Variants in MYRIP observed in about 807,000 individuals in gnomAD.
The protein encoded by MYRIP is myosin VIIA and Rab interacting protein.
MYRIP carries 49 observed loss-of-function variants against 98.0 expected under a neutral mutation model. The ratio of observed to expected loss-of-function variants is 0.50; its 90% CI spans 0.40 to 0.63. The LOEUF (loss-of-function observed/expected upper bound fraction) is 0.63. MYRIP is among the 30% of genes least tolerant of loss of function. The probability of loss-of-function intolerance (pLI) is 0.00; values close to 1 mark genes in which losing one functional copy is unlikely to be tolerated. For synonymous variants in MYRIP, 404 were observed against 409.5 expected, an observed-to-expected ratio of 0.99 and a Z score of 0.16; for missense variants, 1,004 against 1,058.2, an observed-to-expected ratio of 0.95 and a Z score of 0.71.
intron 2 of MYRIP, among the ~76,000 whole-genome samples, chr3:39,932,266 A>G (rs536417311): frequency 3.3e-5 from 5 of 152,302 alleles, no homozygotes; most frequent in African/African-American, 1.2e-4. Context: ...GGCTTGCACT[A>G]ATGTTTAAAG....
intron 3 of MYRIP, among the ~76,000 whole-genome samples, chr3:40,137,021 A>T (rs1949792213): frequency 6.6e-6 from 1 of 152,224 alleles, no homozygotes; most frequent in African/African-American, 2.4e-5. Flanking sequence ...GAAGGCAAGA[A>T]ATAACTAAGA....
At chr3:39,873,534 T>G (rs1942874595) in intron 1 of MYRIP, among the ~76,000 whole-genome samples, 1 of 152,216 alleles carries the variant, frequency 6.6e-6, no homozygotes, top group Non-Finnish European at 1.5e-5. Context: ...AAGGAAGGGA[T>G]CCAGTTTCAG....
At chr3:39,883,686 A>G (rs1943214047) in intron 1 of MYRIP, among the ~76,000 whole-genome samples, 1 of 152,088 alleles carries the variant, frequency 6.6e-6, no homozygotes, top group Non-Finnish European at 1.5e-5. Context: ...ATGCAAAAAA[A>G]ACTTAAATAT....
At chr3:39,857,255 G>GGA (rs545371213) in intron 1 of MYRIP, among the ~76,000 whole-genome samples, 24 of 135,970 alleles carry the variant, frequency 1.8e-4, no homozygotes, top group South Asian at 9.7e-4. Flanking sequence ...GGGAGGGAGG[G>GGA]AGGAAGGAAG....
At chr3:40,179,306 C>CT (rs948598720) in intron 8 of MYRIP, among the ~76,000 whole-genome samples, 1 of 152,120 alleles carries the variant, frequency 6.6e-6, no homozygotes, top group African/African-American at 2.4e-5. Context: ...CAGGGTGTAG[C>CT]TTTTTTCTAG....
chr3:40,237,339 T>C (rs1337832178), intron 12 of MYRIP, among the ~76,000 whole-genome samples: 1 of 152,194 alleles, frequency 6.6e-6, no homozygotes, highest in Admixed American at 6.5e-5. Flanking sequence ...TAATTCTTTG[T>C]GTGGGGGCTG....
chr3:39,955,859 A>G (rs1945144074), intron 2 of MYRIP, among the ~76,000 whole-genome samples: 1 of 152,206 alleles, frequency 6.6e-6, no homozygotes, highest in Non-Finnish European at 1.5e-5. Flanking sequence ...GAAAACAAAA[A>G]AAAGCAGGGG....
chr3:39,964,858 C>T (rs1431782213), intron 2 of MYRIP, among the ~76,000 whole-genome samples: 1 of 152,028 alleles, frequency 6.6e-6, no homozygotes, highest in Non-Finnish European at 1.5e-5. Flanking sequence ...GTGTATTCAT[C>T]TGATCATTAT....
chr3:40,213,428 T>C (rs1203595716), intron 11 of MYRIP, among the ~76,000 whole-genome samples: 3 of 152,216 alleles, frequency 2.0e-5, no homozygotes, highest in African/African-American at 7.2e-5. Context: ...AAGGAACAGC[T>C]TAGTGCTGAT....
chr3:39,953,591 C>G (rs1016366487), intron 2 of MYRIP, among the ~76,000 whole-genome samples: 3 of 152,128 alleles, frequency 2.0e-5, no homozygotes, highest in Non-Finnish European at 4.4e-5. Context: ...AGGAACAGCT[C>G]CAGTCTACAG....
intron 3 of MYRIP, among the ~76,000 whole-genome samples, chr3:40,111,469 A>C (rs1220463282): frequency 6.6e-6 from 1 of 152,216 alleles, no homozygotes; most frequent in African/African-American, 2.4e-5. Context: ...TCAAAGGAAA[A>C]CAAGATTAAA....
intron 1 of MYRIP, among the ~76,000 whole-genome samples, chr3:39,863,350 A>T (rs1942526063): frequency 6.6e-6 from 1 of 152,110 alleles, no homozygotes. Context: ...TATGCAAAAG[A>T]TCAACAGATC....
intron 2 of MYRIP, among the ~76,000 whole-genome samples, chr3:39,946,246 T>C (rs725296): frequency 0.19 from 28,936 of 151,960 alleles, 4,015 homozygotes; most frequent in African/African-American, 0.39. Context: ...TACCAGAGAC[T>C]CACCTACATA....
At chr3:39,995,949 G>T (rs976686148) in intron 2 of MYRIP, among the ~76,000 whole-genome samples, 3 of 152,132 alleles carry the variant, frequency 2.0e-5, no homozygotes, top group African/African-American at 7.2e-5. Flanking sequence ...ATAAGTGAAG[G>T]AGAAATAAAA....
At chr3:40,106,389 T>TTTGTGTGTTTGTTAATGC (rs1303870327) in intron 3 of MYRIP, among the ~76,000 whole-genome samples, 1 of 152,148 alleles carries the variant, frequency 6.6e-6, no homozygotes, top group Non-Finnish European at 1.5e-5. Context: ...AATTTTTATG[T>TTTGTGTGTTTGTTAATGC]TTGTGTGTTT....
intron 2 of MYRIP, among the ~76,000 whole-genome samples, chr3:39,919,707 T>C (rs1459635575): frequency 6.8e-6 from 1 of 146,856 alleles, no homozygotes; most frequent in Non-Finnish European, 1.5e-5. Flanking sequence ...TGTGTGTGTG[T>C]GTGTGTGTGT....
chr3:40,170,510 A>G (rs887417297), intron 8 of MYRIP, among the ~76,000 whole-genome samples: 1 of 152,206 alleles, frequency 6.6e-6, no homozygotes, highest in Non-Finnish European at 1.5e-5. Flanking sequence ...TCAACCACCA[A>G]AATGGTCACA....
chr3:40,047,644 T>C (rs1002071327), intron 3 of MYRIP, among the ~76,000 whole-genome samples: 4 of 152,172 alleles, frequency 2.6e-5, no homozygotes, highest in Non-Finnish European at 5.9e-5. Flanking sequence ...TCATTCCCTA[T>C]TTTTCTGTAT....
intron 3 of MYRIP, among the ~76,000 whole-genome samples, chr3:40,055,396 A>G (rs1182873071): frequency 1.3e-5 from 2 of 152,216 alleles, no homozygotes; most frequent in Non-Finnish European, 1.5e-5. Context: ...ACAAACTGCC[A>G]TCATAGGTAA....
Sources: gnomAD v4.1 joint callset for allele counts (sites outside exome capture counted in the v4.1 genomes callset) on GRCh38, gnomAD v4.1.1 for gene constraint, MANE v1.5 for transcripts, NCBI Gene and HGNC (gene_info 2026-07-23, HGNC 2026-07-21) for gene names.